The following NEGR1 variants were observed in gnomAD, a reference collection of about 807,000 sequenced individuals.
NEGR1 encodes the protein IgLON family member 4.
Under a neutral mutation model 40.9 loss-of-function variants are expected in NEGR1, and 10 were observed. The observed-to-expected ratio is 0.24, with a 90% CI of 0.15 to 0.42. The LOEUF is 0.42. NEGR1 is among the 10% of genes least tolerant of loss of function. The pLI, the probability that NEGR1 is intolerant of heterozygous loss-of-function variation, is 1.00. For synonymous variants in NEGR1, 185 were observed against 166.8 expected (o/e 1.11, Z -0.84); for missense variants, 352 against 438.9 (o/e 0.80, Z 1.77).
intron 6 of NEGR1, among the ~76,000 whole-genome samples, chr1:71,417,473 G>A (rs189812081): frequency 1.3e-5 from 2 of 152,232 alleles, no homozygotes; most frequent in African/African-American, 2.4e-5. Flanking sequence ...CTGAAAAGAC[G>A]AATCTTGTCT....
intron 4 of NEGR1, among the ~76,000 whole-genome samples, chr1:71,690,986 T>G (rs534255241): frequency 6.6e-6 from 1 of 152,088 alleles, no homozygotes; most frequent in Admixed American, 6.6e-5. Flanking sequence ...CATATTTCAT[T>G]ACTACAGAAG....
intron 2 of NEGR1, among the ~76,000 whole-genome samples, chr1:71,800,856 TAAAC>T (rs1202450037): frequency 2.0e-5 from 3 of 152,110 alleles, no homozygotes; most frequent in Non-Finnish European, 4.4e-5. Context: ...TAAGAAAAAA[TAAAC>T]AGAAACAGAA....
At chr1:71,894,142 C>T (rs941242972) in intron 2 of NEGR1, among the ~76,000 whole-genome samples, 1 of 132,792 alleles carries the variant, frequency 7.5e-6, no homozygotes, top group African/African-American at 2.8e-5. Flanking sequence ...TTAGTGGGTG[C>T]AGCGCACCAG....
chr1:72,182,260 G>A (rs1326358811), intron 1 of NEGR1, among the ~76,000 whole-genome samples: 1 of 152,114 alleles, frequency 6.6e-6, no homozygotes, highest in Admixed American at 6.6e-5. Context: ...TTGGGAGACC[G>A]AGGCAGGCGG....
chr1:71,722,119 G>C (rs1440756944), intron 3 of NEGR1, among the ~76,000 whole-genome samples: 1 of 152,164 alleles, frequency 6.6e-6, no homozygotes, highest in South Asian at 2.1e-4. Context: ...GCTTTTAGAA[G>C]ATCACTCTGG....
intron 4 of NEGR1, among the ~76,000 whole-genome samples, chr1:71,614,627 C>G (rs1650383650): frequency 6.6e-6 from 1 of 152,038 alleles, no homozygotes; most frequent in Non-Finnish European, 1.5e-5. Flanking sequence ...GATGAAATAA[C>G]CATATGCAAC....
chr1:71,455,256 T>C (rs188592833), intron 6 of NEGR1, among the ~76,000 whole-genome samples: 3 of 152,292 alleles, frequency 2.0e-5, no homozygotes, highest in African/African-American at 7.2e-5. Flanking sequence ...GAGCCTAATA[T>C]ATTATTCGGT....
At chr1:72,067,837 T>C (rs994280459) in intron 1 of NEGR1, among the ~76,000 whole-genome samples, 3 of 152,176 alleles carry the variant, frequency 2.0e-5, no homozygotes, top group Non-Finnish European at 2.9e-5. Flanking sequence ...CCATGTATAC[T>C]TCCTATCATT....
chr1:71,519,760 A>G (rs1337688657), intron 6 of NEGR1, among the ~76,000 whole-genome samples: 1 of 151,850 alleles, frequency 6.6e-6, no homozygotes, highest in Non-Finnish European at 1.5e-5. Flanking sequence ...AAAAAACAAA[A>G]AAAGATCACA....
chr1:71,786,282 T>G (rs2101729820), intron 2 of NEGR1, among the ~76,000 whole-genome samples: 1 of 152,306 alleles, frequency 6.6e-6, no homozygotes, highest in Non-Finnish European at 1.5e-5. Context: ...TTTTTGTCTT[T>G]TTATTCATAT....
At chr1:72,131,076 T>C (rs933486648) in intron 1 of NEGR1, among the ~76,000 whole-genome samples, 4 of 152,204 alleles carry the variant, frequency 2.6e-5, no homozygotes, top group African/African-American at 7.2e-5. Context: ...AATTGGCAAA[T>C]ACTTTTACAT....
Position 72,185,550 on chromosome 1 carries a change from T to C in NEGR1, c.176+96769A>G, listed in dbSNP as rs78828429. Among the ~76,000 whole-genome samples the C allele has an allele frequency of 5.7e-3, 864 of 152,004 alleles. 10 individuals are homozygous for C. In the Middle Eastern group the frequency reaches 0.058, roughly 10 times the overall value. On this transcript the variant is annotated intron_variant, in intron 1 of 6. Coordinates refer to ENST00000357731, the MANE Select transcript of NEGR1 (RefSeq NM_173808.3). ...TGAGCGATAATGCTGAGAAAAAAGCTACACAAATGGAAATGGAATTCATTG... is the reference window on the plus strand; with the variant it reads ...TGAGCGATAATGCTGAGAAAAAAGCCACACAAATGGAAATGGAATTCATTG...
At chr1:72,062,166 T>C (rs569187003) in intron 1 of NEGR1, among the ~76,000 whole-genome samples, 76 of 152,004 alleles carry the variant, frequency 5.0e-4, no homozygotes, top group African/African-American at 1.7e-3. Flanking sequence ...TGGCTATACC[T>C]AAGAAGTATG....
chr1:72,178,158 A>G (rs896820994), intron 1 of NEGR1, among the ~76,000 whole-genome samples: 1 of 151,718 alleles, frequency 6.6e-6, no homozygotes, highest in Non-Finnish European at 1.5e-5. Context: ...TTTTAGCAGG[A>G]TGGGTTTATA....
At chr1:72,147,161 T>A (rs1000735779) in intron 1 of NEGR1, among the ~76,000 whole-genome samples, 6 of 152,106 alleles carry the variant, frequency 3.9e-5, no homozygotes, top group African/African-American at 1.2e-4. Flanking sequence ...AAAGTAAAAA[T>A]TTAGATGTAT....
chr1:72,241,093 T>C (rs1459680086), intron 1 of NEGR1, among the ~76,000 whole-genome samples: 1 of 151,826 alleles, frequency 6.6e-6, no homozygotes, highest in African/African-American at 2.4e-5. Context: ...TGATGGAGCT[T>C]ATGTTGACAA....
intron 2 of NEGR1, among the ~76,000 whole-genome samples, chr1:71,898,980 G>GAATATATA (rs1661062571): frequency 9.2e-5 from 1 of 10,870 alleles, no homozygotes; most frequent in African/African-American, 4.7e-4. Context: ...TATATATATA[G>GAATATATA]CATATATATA....
At chr1:71,990,903 C>CATATATAT (rs751558775) in intron 1 of NEGR1, among the ~76,000 whole-genome samples, 1 of 123,192 alleles carries the variant, frequency 8.1e-6, no homozygotes, top group African/African-American at 2.9e-5. Flanking sequence ...TAGGCATATA[C>CATATATAT]ATATATATAT....
chr1:72,252,912 C>A (rs548493294), intron 1 of NEGR1, among the ~76,000 whole-genome samples: 1 of 152,166 alleles, frequency 6.6e-6, no homozygotes, highest in Non-Finnish European at 1.5e-5. Context: ...AATTACATTG[C>A]GAAGGAAAAA....
Sources: allele counts gnomAD v4.1 joint callset (sites outside exome capture counted in the v4.1 genomes callset), GRCh38; gene constraint gnomAD v4.1.1; transcripts MANE v1.5; gene names NCBI Gene and HGNC (gene_info 2026-07-23, HGNC 2026-07-21).